Variants in FNDC3B observed in about 807,000 individuals in gnomAD.
The protein encoded by FNDC3B is fibronectin type III domain-containing protein 3B.
Under a neutral mutation model 151.5 loss-of-function variants are expected in FNDC3B, and 12 were observed. The observed-to-expected ratio is 0.08, with a 90% CI of 0.05 to 0.13. The LOEUF (loss-of-function observed/expected upper bound fraction) is 0.13. Among genes scored for constraint, FNDC3B ranks in the 10% least tolerant of loss-of-function variants. The pLI is 1.00. For missense variants in FNDC3B, 1,214 were observed against 1,505.3 expected, an observed-to-expected ratio of 0.81 and a Z score of 3.20; for synonymous variants, 528 against 549.0, an observed-to-expected ratio of 0.96 and a Z score of 0.54.
rs1011810087 is a variant in FNDC3B, at chr3:172,344,190, T to C, written c.2182T>C (p.Cys728Arg). 23 of 1,613,794 alleles carry C rather than the reference T, an allele frequency of 1.4e-5. No individual in the cohort carries two copies. Among genetic ancestry groups the C allele is most frequent in the Non-Finnish European group, 1.9e-5 (23 of 1,179,950 alleles). Residue 728 changes from cysteine to arginine, a missense_variant, in exon 19 of 26, where the codon TGC becomes CGC. By Grantham distance (180) the Cys-to-Arg change is radical. Around this residue, in one of 7 missense-constraint regions of FNDC3B, gnomAD observed 380 missense variants for 420.9 expected, o/e 0.90. Coordinates refer to ENST00000415807, the MANE Select transcript of FNDC3B (RefSeq NM_022763.4). The stretch of plus-strand genomic sequence containing the variant: ...AGTGTACCATGGCCCAGAGCTGGAG[T>C]GCACCGTCGGCAACCTGCTTCCTGG... ...SEVYHGPELE[C>R]TVGNLLPGTV...
At chr3:172,193,188 C>G (rs1724630914) in intron 3 of FNDC3B, among the ~76,000 whole-genome samples, 1 of 68,292 alleles carries the variant, frequency 1.5e-5, no homozygotes, top group South Asian at 9.1e-4. Context: ...CTTCCTCTCC[C>G]TCCCTCCCTC....
intron 1 of FNDC3B, among the ~76,000 whole-genome samples, chr3:172,050,764 TTATA>T (rs1716608663): frequency 6.7e-6 from 1 of 149,940 alleles, no homozygotes; most frequent in Non-Finnish European, 1.5e-5. Context: ...TATATACTCT[TTATA>T]TAGTGTGTGT....
At chr3:172,387,445 GA>G (rs1415731338) in intron 25 of FNDC3B, among the ~76,000 whole-genome samples, 7 of 152,048 alleles carry the variant, frequency 4.6e-5, no homozygotes, top group Admixed American at 4.6e-4. Flanking sequence ...CCCTAATACA[GA>G]AATTAAACAA....
At chr3:172,291,976 A>T (rs550760644) in intron 7 of FNDC3B, among the ~76,000 whole-genome samples, 1 of 152,302 alleles carries the variant, frequency 6.6e-6, no homozygotes, top group South Asian at 2.1e-4. Flanking sequence ...CTCCCAGGAC[A>T]CTTGGAGTAA....
At chr3:172,178,722 G>A (rs954767400) in intron 3 of FNDC3B, among the ~76,000 whole-genome samples, 26 of 152,168 alleles carry the variant, frequency 1.7e-4, no homozygotes, top group African/African-American at 6.3e-4. Context: ...TGTGGAGGGA[G>A]TGATGGTAAA....
chr3:172,121,401 G>GT (rs564548342), intron 2 of FNDC3B, among the ~76,000 whole-genome samples: 134 of 152,222 alleles, frequency 8.8e-4, no homozygotes, highest in African/African-American at 3.2e-3. Flanking sequence ...ACCCGTGTGG[G>GT]TTTTTTTGTT....
chr3:172,223,651 A>T (rs1483824066), intron 3 of FNDC3B, among the ~76,000 whole-genome samples: 1 of 152,250 alleles, frequency 6.6e-6, no homozygotes, highest in South Asian at 2.1e-4. Context: ...CACACTCTGT[A>T]CTGTGAAACA....
At chr3:172,347,693 C>T (rs1184194820) in intron 21 of FNDC3B, among the ~76,000 whole-genome samples, 1 of 152,212 alleles carries the variant, frequency 6.6e-6, no homozygotes, top group African/African-American at 2.4e-5. Flanking sequence ...AGCCTTCTGT[C>T]TCATTCCCCT....
At chr3:172,313,031 G>A (rs9873097) in intron 11 of FNDC3B, among the ~76,000 whole-genome samples, 9,340 of 152,090 alleles carry the variant, frequency 0.061, 1,022 homozygotes, top group African/African-American at 0.21. Flanking sequence ...TCTCCTTCCA[G>A]CTTTTCCTCT....
At chr3:172,217,390 G>A (rs1156985513) in intron 3 of FNDC3B, among the ~76,000 whole-genome samples, 1 of 152,180 alleles carries the variant, frequency 6.6e-6, no homozygotes, top group African/African-American at 2.4e-5. Flanking sequence ...ACCATTCATT[G>A]CTAGTCACTG....
chr3:172,313,997 G>A (rs1328364256), intron 11 of FNDC3B, among the ~76,000 whole-genome samples: 1 of 152,178 alleles, frequency 6.6e-6, no homozygotes. Context: ...GCTTCAAGAA[G>A]GAAACAGGAG....
intron 24 of FNDC3B, among the ~76,000 whole-genome samples, chr3:172,379,401 A>G (rs1735318212): frequency 3.3e-5 from 5 of 152,250 alleles, no homozygotes; most frequent in Admixed American, 2.6e-4. Flanking sequence ...CACATGAAGG[A>G]GGTGTGTCAG....
chr3:172,304,749 C>T (rs1731108357), intron 9 of FNDC3B, among the ~76,000 whole-genome samples: 1 of 152,002 alleles, frequency 6.6e-6, no homozygotes, highest in South Asian at 2.1e-4. Flanking sequence ...ATACAAAAAT[C>T]AGTCAGGCAT....
chr3:172,179,123 G>T (rs967121915), intron 3 of FNDC3B, among the ~76,000 whole-genome samples: 1 of 152,120 alleles, frequency 6.6e-6, no homozygotes, highest in African/African-American at 2.4e-5. Flanking sequence ...GTGCGGTGGT[G>T]CAATCTTAGC....
At chr3:172,258,515 A>AG (rs1728485510) in intron 6 of FNDC3B, among the ~76,000 whole-genome samples, 1 of 152,198 alleles carries the variant, frequency 6.6e-6, no homozygotes, top group African/African-American at 2.4e-5. Flanking sequence ...GTGTATTCAC[A>AG]ATAACAGTAA....
At chr3:172,046,475 G>A (rs534125003) in intron 1 of FNDC3B, among the ~76,000 whole-genome samples, 1 of 151,592 alleles carries the variant, frequency 6.6e-6, no homozygotes, top group African/African-American at 2.4e-5. Context: ...ACGCCACCAT[G>A]CCTGGCTAAT....
Position 172,283,417 on chromosome 3 carries a change from A to G in FNDC3B, c.791-2509A>G, listed in dbSNP as rs376361983. 1.3e-4 allele frequency among the ~76,000 whole-genome samples: 20 copies of G among 152,310 alleles called. No individual in the cohort carries two copies. The East Asian group carries it at 3.5e-3, about 26-fold the overall frequency. On this transcript the variant is annotated intron_variant, in intron 6 of 25. Coordinates refer to ENST00000415807, the MANE Select transcript of FNDC3B (RefSeq NM_022763.4). ...TTCTTTTATAGTGTATTTCTAGTGC[A>G]TAGTCCTGAGGATGTTTTATTTGCA...
chr3:172,308,860 T>C (rs187161743), intron 10 of FNDC3B, among the ~76,000 whole-genome samples: 11 of 152,342 alleles, frequency 7.2e-5, no homozygotes, highest in Admixed American at 3.9e-4. Flanking sequence ...CATACATATG[T>C]AAATATATCT....
chr3:172,068,992 T>A (rs2108483957), intron 1 of FNDC3B, among the ~76,000 whole-genome samples: 1 of 152,328 alleles, frequency 6.6e-6, no homozygotes, highest in Non-Finnish European at 1.5e-5. Flanking sequence ...GCCAGGCAGT[T>A]GTGGTCTTCA....
Sources: allele counts gnomAD v4.1 joint callset (sites outside exome capture counted in the v4.1 genomes callset), GRCh38; gene constraint gnomAD v4.1.1; regional missense constraint gnomAD v4.1.1; transcripts MANE v1.5; gene names NCBI Gene and HGNC (gene_info 2026-07-23, HGNC 2026-07-21).